The following PDGFC variants were observed in gnomAD, a reference collection of about 807,000 sequenced individuals.
PDGFC encodes platelet-derived growth factor C.
In PDGFC, 12 loss-of-function variants were observed where a neutral mutation model predicts 35.5. That is an observed-to-expected ratio of 0.34 (90% confidence interval 0.22 to 0.55). The LOEUF (loss-of-function observed/expected upper bound fraction) is 0.55. PDGFC is among the 20% of genes least tolerant of loss of function. The pLI is 0.91. For synonymous variants in PDGFC, 159 were observed against 148.8 expected (o/e 1.07, Z -0.50); for missense variants, 322 against 412.4 (o/e 0.78, Z 1.90).
intron 2 of PDGFC, among the ~76,000 whole-genome samples, chr4:156,846,945 G>A (rs1036262530): frequency 6.6e-6 from 1 of 151,586 alleles, no homozygotes; most frequent in African/African-American, 2.4e-5. Context: ...TAGTCCCAAC[G>A]GCTGCAGACA....
intron 3 of PDGFC, among the ~76,000 whole-genome samples, chr4:156,779,923 C>T (rs1730930608): frequency 6.6e-6 from 1 of 152,110 alleles, no homozygotes; most frequent in African/African-American, 2.4e-5. Flanking sequence ...AAGTCAACTC[C>T]ACCACAGAGC....
intron 1 of PDGFC, among the ~76,000 whole-genome samples, chr4:156,902,094 T>C (rs535451784): frequency 4.6e-5 from 7 of 152,290 alleles, no homozygotes; most frequent in African/African-American, 1.4e-4. Context: ...ATAGTAAATA[T>C]GCTTATACAG....
chr4:156,960,006 A>G (rs1732303673), intron 1 of PDGFC, among the ~76,000 whole-genome samples: 1 of 151,904 alleles, frequency 6.6e-6, no homozygotes, highest in Non-Finnish European at 1.5e-5. Flanking sequence ...TTTCTTCGTT[A>G]TCATGGCTTA....
chr4:156,872,934 AGTCT>A (rs1304903199), intron 1 of PDGFC, among the ~76,000 whole-genome samples: 3 of 152,130 alleles, frequency 2.0e-5, no homozygotes, highest in Non-Finnish European at 4.4e-5. Context: ...GTTCAAGACC[AGTCT>A]GGGCAACACA....
intron 2 of PDGFC, among the ~76,000 whole-genome samples, chr4:156,825,286 C>T (rs765706816): frequency 1.5e-4 from 22 of 151,356 alleles, no homozygotes; most frequent in Admixed American, 2.6e-4. Context: ...TGGTGACTCA[C>T]GTCTGTAATC....
intron 1 of PDGFC, 21 bp from the exon 2 acceptor site, chr4:156,850,437 A>G (rs754548528): frequency 7.1e-7 from 1 of 1,405,352 alleles, no homozygotes; most frequent in Non-Finnish European, 9.7e-7. Flanking sequence ...AAACATAGAC[A>G]TAGACATACA....
intron 3 of PDGFC, among the ~76,000 whole-genome samples, chr4:156,776,909 C>T (rs1016778387): frequency 2.6e-5 from 4 of 152,114 alleles, no homozygotes; most frequent in East Asian, 1.9e-4. Context: ...AGTTTCTTGC[C>T]AGCTTTTACA....
intron 1 of PDGFC, among the ~76,000 whole-genome samples, chr4:156,882,908 C>T (rs1330875560): frequency 2.0e-5 from 3 of 151,954 alleles, no homozygotes; most frequent in African/African-American, 7.3e-5. Context: ...CAAGGTGAAA[C>T]CCCGTCTCTA....
intron 2 of PDGFC, among the ~76,000 whole-genome samples, chr4:156,819,153 A>G: frequency 6.6e-6 from 1 of 152,226 alleles, no homozygotes; most frequent in East Asian, 1.9e-4. Flanking sequence ...TTTTCATAAC[A>G]TAAAAGTGCA....
intron 1 of PDGFC, among the ~76,000 whole-genome samples, chr4:156,959,528 C>T (rs190518169): frequency 9.2e-5 from 14 of 152,108 alleles, no homozygotes; most frequent in African/African-American, 2.4e-4. Context: ...CTTAGATGGA[C>T]GTGGTCTCAT....
At chr4:156,878,098 G>A (rs1730157764) in intron 1 of PDGFC, among the ~76,000 whole-genome samples, 1 of 152,186 alleles carries the variant, frequency 6.6e-6, no homozygotes, top group East Asian at 1.9e-4. Context: ...CACATGGAAA[G>A]CACTTAACGA....
intron 5 of PDGFC, among the ~76,000 whole-genome samples, chr4:156,766,048 T>C (rs1730518673): frequency 6.6e-6 from 1 of 152,156 alleles, no homozygotes; most frequent in Non-Finnish European, 1.5e-5. Flanking sequence ...AACTGGGATG[T>C]CTAGCTTTGG....
intron 3 of PDGFC, among the ~76,000 whole-genome samples, chr4:156,808,806 G>A (rs1184947390): frequency 6.6e-6 from 1 of 152,042 alleles, no homozygotes. Flanking sequence ...AATGAATGTG[G>A]CTGTAAGTAG....
chr4:156,888,370 T>G (rs1240621221), intron 1 of PDGFC, among the ~76,000 whole-genome samples: 3 of 152,126 alleles, frequency 2.0e-5, no homozygotes, highest in Non-Finnish European at 4.4e-5. Context: ...AATAATCAAC[T>G]TTGTGCACAT....
In PDGFC at chr4:156,818,082, C is replaced by T. The variant is rs567558907; in HGVS notation, c.315-7065G>A. 8.9e-5 allele frequency among the ~76,000 whole-genome samples: 13 copies of T among 146,242 alleles called. No homozygotes were observed. In the East Asian group the frequency reaches 2.0e-3, roughly 23 times the overall value. On this transcript the variant is annotated intron_variant, in intron 2 of 5. Transcript: ENST00000502773. ...CTTAAAAAAAAAAAAAAATTCTAGG[C>T]TAAATCTTGTATCAAAGTTCTTTGA...
chr4:156,861,591 A>T (rs1403929558), intron 1 of PDGFC: 2 of 391,458 alleles, frequency 5.1e-6, no homozygotes, highest in South Asian at 3.9e-5. Flanking sequence ...AGTTAAAAAA[A>T]TTTGAAGGAT....
chr4:156,852,623 G>A (rs1210058380), intron 1 of PDGFC, among the ~76,000 whole-genome samples: 1 of 152,076 alleles, frequency 6.6e-6, no homozygotes, highest in Non-Finnish European at 1.5e-5. Flanking sequence ...CTCCTTGAGT[G>A]TGTGAAATCT....
chr4:156,897,917 G>T (rs995528952), intron 1 of PDGFC, among the ~76,000 whole-genome samples: 19 of 152,314 alleles, frequency 1.2e-4, no homozygotes, highest in African/African-American at 4.3e-4. Flanking sequence ...CTGTCCGTCT[G>T]CATGAGATGG....
chr4:156,927,391 A>G (rs1409247379), intron 1 of PDGFC, among the ~76,000 whole-genome samples: 1 of 152,010 alleles, frequency 6.6e-6, no homozygotes, highest in Non-Finnish European at 1.5e-5. Flanking sequence ...TTTCTTTTCT[A>G]TTGCATTGTC....
Sources: allele counts gnomAD v4.1 joint callset (sites outside exome capture counted in the v4.1 genomes callset), GRCh38; gene constraint gnomAD v4.1.1; transcripts MANE v1.5; gene names NCBI Gene and HGNC (gene_info 2026-07-23, HGNC 2026-07-21).